The following NLGN1 variants were observed in gnomAD, a reference collection of about 807,000 sequenced individuals.
NLGN1 encodes the protein neuroligin-1.
Under a neutral mutation model 65.5 loss-of-function variants are expected in NLGN1, and 12 were observed. That is an observed-to-expected ratio of 0.18 (90% CI 0.12 to 0.30). NLGN1 has a LOEUF of 0.30. Ranked by LOEUF, NLGN1 falls within the 10% of genes least tolerant of loss-of-function variation. The pLI, the probability that NLGN1 is intolerant of heterozygous loss-of-function variation, is 1.00. For missense variants in NLGN1, 750 were observed against 1,007.1 expected (o/e 0.74, Z 3.46); for synonymous variants, 350 against 359.5 (o/e 0.97, Z 0.30).
chr3:173,824,921 C>T (rs771668716), intron 4 of NLGN1, among the ~76,000 whole-genome samples: 7 of 151,998 alleles, frequency 4.6e-5, no homozygotes, highest in East Asian at 1.9e-4. Context: ...CATTGACTAG[C>T]GTTGAACACC....
intron 3 of NLGN1, among the ~76,000 whole-genome samples, chr3:173,608,575 G>GTAA: frequency 6.6e-6 from 1 of 151,848 alleles, no homozygotes; most frequent in Non-Finnish European, 1.5e-5. Flanking sequence ...CAAGTAAGAA[G>GTAA]GTAGACTCTG....
intron 4 of NLGN1, among the ~76,000 whole-genome samples, chr3:173,865,701 A>G (rs1044554218): frequency 2.1e-4 from 32 of 152,160 alleles, no homozygotes; most frequent in African/African-American, 7.5e-4. Flanking sequence ...GAGCTTTGAT[A>G]TTTAAAAGTA....
At chr3:173,895,473 T>C (rs1736179003) in intron 4 of NLGN1, among the ~76,000 whole-genome samples, 1 of 152,134 alleles carries the variant, frequency 6.6e-6, no homozygotes, top group Admixed American at 6.5e-5. Flanking sequence ...AAATATTTCC[T>C]TTCAGACACC....
intron 3 of NLGN1, among the ~76,000 whole-genome samples, chr3:173,672,423 C>A (rs1204377076): frequency 6.6e-6 from 1 of 152,202 alleles, no homozygotes; most frequent in East Asian, 1.9e-4. Context: ...TTATTGTTTA[C>A]AACAGAGTCT....
intron 4 of NLGN1, among the ~76,000 whole-genome samples, chr3:173,944,124 G>GTTGTGTGTGTGTGTGTGTGTGTGT (rs34721217): frequency 2.9e-5 from 4 of 139,512 alleles, no homozygotes; most frequent in East Asian, 2.1e-4. Flanking sequence ...TAATATTATG[G>GTTGTGTGTGTGTGTGTGTGTGTGT]GTGTGTGTGT....
At chr3:173,448,096 A>G (rs1006687159) in intron 2 of NLGN1, among the ~76,000 whole-genome samples, 1 of 152,114 alleles carries the variant, frequency 6.6e-6, no homozygotes, top group Non-Finnish European at 1.5e-5. Flanking sequence ...TTCCAACACT[A>G]TGTTGAATAG....
chr3:174,141,160 G>A (rs1722204435), intron 4 of NLGN1, among the ~76,000 whole-genome samples: 1 of 151,986 alleles, frequency 6.6e-6, no homozygotes, highest in Admixed American at 6.6e-5. Flanking sequence ...TTAAGTAATA[G>A]TTTTTACACT....
At chr3:174,289,050 A>G (rs1214450103), downstream of NLGN1, among the ~76,000 whole-genome samples, 2 of 151,424 alleles carry the variant, frequency 1.3e-5, no homozygotes, top group African/African-American at 4.8e-5. Context: ...AAGGAAATCA[A>G]CAAAGATGAT....
intron 3 of NLGN1, among the ~76,000 whole-genome samples, chr3:173,726,897 T>C (rs1238472215): frequency 6.6e-6 from 1 of 151,016 alleles, no homozygotes; most frequent in Non-Finnish European, 1.5e-5. Flanking sequence ...AGTTATGTTC[T>C]TTGCCTCAGA....
At chr3:173,647,607 A>T (rs1363111678) in intron 3 of NLGN1, among the ~76,000 whole-genome samples, 1 of 152,180 alleles carries the variant, frequency 6.6e-6, no homozygotes, top group Non-Finnish European at 1.5e-5. Context: ...TCAGAATAAA[A>T]AAATGGAAAA....
At chr3:173,947,350 A>G (rs1005113588) in intron 4 of NLGN1, among the ~76,000 whole-genome samples, 1 of 152,126 alleles carries the variant, frequency 6.6e-6, no homozygotes, top group Non-Finnish European at 1.5e-5. Context: ...AAGTCTTAAC[A>G]TACAATAGTG....
intron 4 of NLGN1, among the ~76,000 whole-genome samples, chr3:173,931,695 G>A (rs957806299): frequency 6.6e-6 from 1 of 152,110 alleles, no homozygotes; most frequent in Non-Finnish European, 1.5e-5. Flanking sequence ...TACCTTGCCT[G>A]GGTAGAAGGA....
chr3:173,859,981 A>G (rs1283649359), intron 4 of NLGN1, among the ~76,000 whole-genome samples: 1 of 151,990 alleles, frequency 6.6e-6, no homozygotes, highest in Admixed American at 6.6e-5. Flanking sequence ...CCAGATGTTT[A>G]TCTATTATAT....
chr3:174,127,770 T>C lies in NLGN1; in HGVS notation c.647-147545T>C, dbSNP rs77631053. 5.3e-3 allele frequency among the ~76,000 whole-genome samples: 807 copies of C among 152,272 alleles called. 6 individuals are homozygous for C. Among genetic ancestry groups the C allele is most frequent in the African/African-American group, 0.019 (770 of 41,552 alleles). The stretch of plus-strand genomic sequence containing the variant: ...CATGTATTATTTGAAATGCAATAAG[T>C]TGGGTCCATTTAAGGTCTCTTTCTA... On this transcript the variant is annotated intron_variant, in intron 4 of 6. Transcript: ENST00000457714.
chr3:174,012,374 T>A (rs961833512), intron 4 of NLGN1, among the ~76,000 whole-genome samples: 3 of 152,170 alleles, frequency 2.0e-5, no homozygotes, highest in African/African-American at 7.2e-5. Context: ...ATCTTTTTTT[T>A]AAGTATGAGT....
chr3:174,216,867 G>C (rs1737712726), intron 4 of NLGN1, among the ~76,000 whole-genome samples: 1 of 151,934 alleles, frequency 6.6e-6, no homozygotes, highest in African/African-American at 2.4e-5. Context: ...TAGTGGTATT[G>C]CTTCTGCAAT....
chr3:173,502,548 G>A (rs569058990), intron 2 of NLGN1, among the ~76,000 whole-genome samples: 5 of 152,166 alleles, frequency 3.3e-5, no homozygotes, highest in Non-Finnish European at 7.4e-5. Context: ...ATGAGCACAC[G>A]TTTCAAGTTC....
chr3:173,802,944 G>A (rs1211896231), intron 3 of NLGN1, among the ~76,000 whole-genome samples: 2 of 151,686 alleles, frequency 1.3e-5, no homozygotes, highest in African/African-American at 4.8e-5. Flanking sequence ...GTTCAAGCAA[G>A]CAATTCTCCT....
intron 2 of NLGN1, among the ~76,000 whole-genome samples, chr3:173,599,314 A>G (rs1053601736): frequency 6.6e-6 from 1 of 152,192 alleles, no homozygotes; most frequent in Non-Finnish European, 1.5e-5. Flanking sequence ...CAGTATGGCA[A>G]CAGCAGAAGA....
Sources: allele counts gnomAD v4.1 joint callset (sites outside exome capture counted in the v4.1 genomes callset), GRCh38; gene constraint gnomAD v4.1.1; transcripts MANE v1.5; gene names NCBI Gene and HGNC (gene_info 2026-07-23, HGNC 2026-07-21).